The following MEIS2 variants were observed in gnomAD, a reference collection of about 807,000 sequenced individuals.
MEIS2 encodes homeobox protein Meis2.
Under a neutral mutation model 58.6 loss-of-function variants are expected in MEIS2, and 9 were observed. The ratio of observed to expected loss-of-function variants is 0.15; its 90% CI spans 0.09 to 0.27. MEIS2 has a LOEUF of 0.27. Among genes scored for constraint, MEIS2 ranks in the 10% least tolerant of loss-of-function variants. The pLI is 1.00. For missense variants in MEIS2, 427 were observed against 635.0 expected (o/e 0.67, Z 3.52); for synonymous variants, 221 against 228.4 (o/e 0.97, Z 0.29).
At chr15:37,080,436 C>T (rs1892046874) in intron 7 of MEIS2, among the ~76,000 whole-genome samples, 1 of 152,098 alleles carries the variant, frequency 6.6e-6, no homozygotes, top group South Asian at 2.1e-4. Context: ...ACAAACCCAT[C>T]AATAATAATA....
intron 8 of MEIS2, among the ~76,000 whole-genome samples, chr15:36,988,061 T>C (rs1000801460): frequency 6.6e-6 from 1 of 152,200 alleles, no homozygotes; most frequent in African/African-American, 2.4e-5. Flanking sequence ...TAATGAGGAC[T>C]ATAGTTAATC....
intron 8 of MEIS2, among the ~76,000 whole-genome samples, chr15:36,954,073 T>A (rs879258765): frequency 2.6e-5 from 4 of 152,148 alleles, no homozygotes; most frequent in African/African-American, 4.8e-5. Context: ...TCAAATCACC[T>A]CATAAATTAG....
intron 9 of MEIS2, among the ~76,000 whole-genome samples, chr15:36,926,936 A>G (rs547464191): frequency 1.3e-5 from 2 of 152,316 alleles, no homozygotes; most frequent in Non-Finnish European, 2.9e-5. Context: ...ATGTAAACGG[A>G]TATCTCAAGA....
At chr15:37,080,383 C>T (rs1312944197) in intron 7 of MEIS2, among the ~76,000 whole-genome samples, 3 of 152,074 alleles carry the variant, frequency 2.0e-5, no homozygotes, top group Non-Finnish European at 2.9e-5. Flanking sequence ...TATTCTCTTG[C>T]CAATTCACAT....
chr15:36,974,224 A>G (rs1438768680), intron 8 of MEIS2, among the ~76,000 whole-genome samples: 1 of 152,230 alleles, frequency 6.6e-6, no homozygotes. Flanking sequence ...TTAAAACACC[A>G]AACATCATAG....
At chr15:37,076,633 T>A (rs1038528235) in intron 7 of MEIS2, among the ~76,000 whole-genome samples, 1 of 152,004 alleles carries the variant, frequency 6.6e-6, no homozygotes, top group African/African-American at 2.4e-5. Context: ...TGTTTTAAAG[T>A]GGTTTTTGAG....
chr15:37,083,408 T>A (rs1320175247), intron 7 of MEIS2, among the ~76,000 whole-genome samples: 2 of 152,332 alleles, frequency 1.3e-5, no homozygotes, highest in Non-Finnish European at 1.5e-5. Context: ...TAGTTGATAT[T>A]ACAGGCAAAA....
intron 6 of MEIS2, among the ~76,000 whole-genome samples, chr15:37,084,792 G>T (rs866405697): frequency 2.0e-5 from 3 of 152,130 alleles, no homozygotes; most frequent in South Asian, 4.1e-4. Context: ...GAATTCTAAT[G>T]TACAGGAAGG....
intron 9 of MEIS2, among the ~76,000 whole-genome samples, chr15:36,910,899 A>G (rs942083853): frequency 6.6e-6 from 1 of 152,128 alleles, no homozygotes; most frequent in Admixed American, 6.5e-5. Flanking sequence ...ACAAAAAATT[A>G]GCCAGGCATG....
At chr15:36,990,820 A>C (rs1280333702) in intron 8 of MEIS2, among the ~76,000 whole-genome samples, 1 of 152,172 alleles carries the variant, frequency 6.6e-6, no homozygotes, top group Non-Finnish European at 1.5e-5. Context: ...TTCAGGAAAA[A>C]AAAAAGACTG....
chr15:37,096,033 C>G, intron 3 of MEIS2: 2 of 476,584 alleles, frequency 4.2e-6, no homozygotes. Flanking sequence ...AGGCCAAGCC[C>G]CAGATTAGGA....
At chr15:37,060,128 TG>T (rs200810040) in intron 7 of MEIS2, among the ~76,000 whole-genome samples, 2,326 of 152,044 alleles carry the variant, frequency 0.015, 60 homozygotes, top group African/African-American at 0.053. Flanking sequence ...TTTGTAGAGC[TG>T]GGGGTCTTGC....
chr15:36,931,904 T>C (rs2057994688), intron 9 of MEIS2, among the ~76,000 whole-genome samples: 1 of 152,166 alleles, frequency 6.6e-6, no homozygotes, highest in Non-Finnish European at 1.5e-5. Context: ...ATAAACAAAT[T>C]AATAGACAGA....
At chr15:37,026,526 G>T (rs1567197973) in intron 8 of MEIS2, among the ~76,000 whole-genome samples, 1 of 152,144 alleles carries the variant, frequency 6.6e-6, no homozygotes, top group Non-Finnish European at 1.5e-5. Flanking sequence ...GATAACAGAG[G>T]TATTTAAATT....
chr15:36,931,294 TAC>T (rs1329369382), intron 9 of MEIS2, among the ~76,000 whole-genome samples: 1 of 152,218 alleles, frequency 6.6e-6, no homozygotes, highest in Non-Finnish European at 1.5e-5. Context: ...TGCTGTTTTG[TAC>T]AGAATAGCAC....
At chr15:37,083,302 A>G (rs1892468916) in intron 7 of MEIS2, among the ~76,000 whole-genome samples, 1 of 152,230 alleles carries the variant, frequency 6.6e-6, no homozygotes, top group South Asian at 2.1e-4. Context: ...ATAAGATTCC[A>G]TGTAAAATTC....
intron 8 of MEIS2, among the ~76,000 whole-genome samples, chr15:36,969,566 A>C (rs2059463481): frequency 6.6e-6 from 1 of 152,248 alleles, no homozygotes; most frequent in African/African-American, 2.4e-5. Flanking sequence ...TACATAGGAA[A>C]ATTTGAAATA....
chr15:37,089,356 G>A (rs1469607670), intron 6 of MEIS2, among the ~76,000 whole-genome samples: 4 of 151,960 alleles, frequency 2.6e-5, no homozygotes, highest in East Asian at 3.8e-4. Context: ...AATTTTTCAG[G>A]TAGTAATTGA....
At chr15:36,956,212 A>G (rs920012235) in intron 8 of MEIS2, among the ~76,000 whole-genome samples, 17 of 132,238 alleles carry the variant, frequency 1.3e-4, no homozygotes, top group Non-Finnish European at 2.6e-4. Context: ...AAAAAAAAAG[A>G]GTCCAAAGAT....
Sources: gnomAD v4.1 joint callset for allele counts (sites outside exome capture counted in the v4.1 genomes callset) on GRCh38, gnomAD v4.1.1 for gene constraint, MANE v1.5 for transcripts, NCBI Gene and HGNC (gene_info 2026-07-23, HGNC 2026-07-21) for gene names.